TUBB8: variants seen among roughly 807,000 people sequenced by gnomAD.
TUBB8 encodes tubulin beta-8 chain.
A neutral mutation model predicts 33.7 loss-of-function variants in TUBB8; 25 were observed. The observed-to-expected ratio is 0.74, with a 90% CI of 0.54 to 1.04. TUBB8 has a LOEUF of 1.04. Ranked by LOEUF, TUBB8 falls within the 50% of genes least tolerant of loss-of-function variation. TUBB8 has a pLI of 0.00. For synonymous variants in TUBB8, 245 were observed against 240.1 expected, an observed-to-expected ratio of 1.02 and a Z score of -0.19; for missense variants, 279 against 608.0, an observed-to-expected ratio of 0.46 and a Z score of 5.69.
At chr10:73,566 C>A (rs1834765919) in intron 1 of TUBB8, among the ~76,000 whole-genome samples, 1 of 152,024 alleles carries the variant, frequency 6.6e-6, no homozygotes, top group Non-Finnish European at 1.5e-5. Context: ...TCGCTTGAAC[C>A]CAGGAGGCGG....
downstream of TUBB8, chr10:46,768 C>G (rs1469939364): frequency 2.4e-6 from 1 of 414,590 alleles, no homozygotes; most frequent in African/African-American, 2.0e-5. Context: ...CCTCCTGGAG[C>G]CACTGGAATG....
At chr10:53,118 TTTTTA>T (rs1834489240), upstream of TUBB8, among the ~76,000 whole-genome samples, 1 of 146,376 alleles carries the variant, frequency 6.8e-6, no homozygotes, top group African/African-American at 2.8e-5. Context: ...AAACATGAGA[TTTTTA>T]TTTTTATTTA....
chr10:69,672 C>T (rs1205986081), intron 1 of TUBB8, among the ~76,000 whole-genome samples: 6 of 152,106 alleles, frequency 3.9e-5, no homozygotes, highest in African/African-American at 7.2e-5. Flanking sequence ...TGCTTGTAAT[C>T]CCAGCACTTT....
Position 47,236 on chromosome 10 carries a change from T to C in TUBB8, c.1156A>G (p.Thr386Ala). Reference sequence around the variant, plus strand: ...AAGGCCTTGCGCCTGAACATTGCTGTAAACTGCTCTGAGACACGCTTGAAG... The same window carrying C: ...AAGGCCTTGCGCCTGAACATTGCTGCAAACTGCTCTGAGACACGCTTGAAG... The part of the protein sequence containing the change: ...ELFKRVSEQF[T>A]AMFRRKAFLH... The change falls in exon 4 of 4, where the codon ACA (threonine) becomes GCA (alanine). Residue 386 changes from threonine to alanine, a missense_variant. Coordinates refer to ENST00000568584, the MANE Select transcript of TUBB8 (RefSeq NM_177987.3). The C allele has an allele frequency of 6.2e-7, 1 of 1,603,240 alleles. No homozygotes were observed. Among genetic ancestry groups the C allele is most frequent in the Non-Finnish European group, 8.5e-7 (1 of 1,178,994 alleles).
At chr10:72,363 A>C (rs1254910278) in intron 1 of TUBB8, among the ~76,000 whole-genome samples, 1 of 152,018 alleles carries the variant, frequency 6.6e-6, no homozygotes, top group African/African-American at 2.4e-5. Context: ...GTTCGAGACC[A>C]GCCTGGCCAA....
chr10:58,936 C>G (rs1554740520), intron 1 of TUBB8, among the ~76,000 whole-genome samples: 1 of 152,174 alleles, frequency 6.6e-6, no homozygotes, highest in African/African-American at 2.4e-5. Flanking sequence ...TGTCTGATTG[C>G]TCCAGACAGG....
intron 1 of TUBB8, among the ~76,000 whole-genome samples, chr10:71,589 C>G (rs538175908): frequency 6.6e-6 from 1 of 151,614 alleles, no homozygotes; most frequent in South Asian, 2.1e-4. Flanking sequence ...CCATTGCACT[C>G]CAGCCTGAGA....
chr10:72,178 T>C (rs1359535651), intron 1 of TUBB8, among the ~76,000 whole-genome samples: 4 of 149,654 alleles, frequency 2.7e-5, no homozygotes, highest in Non-Finnish European at 5.9e-5. Flanking sequence ...TGAGCCAAGA[T>C]CGGGACATTG....
At chr10:55,890 T>C (rs1554740106) in intron 1 of TUBB8, among the ~76,000 whole-genome samples, 2 of 152,270 alleles carry the variant, frequency 1.3e-5, no homozygotes, top group African/African-American at 4.8e-5. Flanking sequence ...TTACTATAGC[T>C]TGATAGTATA....
intron 1 of TUBB8, among the ~76,000 whole-genome samples, chr10:67,670 C>T (rs1834688113): frequency 6.6e-6 from 1 of 152,232 alleles, no homozygotes; most frequent in Admixed American, 6.5e-5. Context: ...ATGGATCCAC[C>T]TGCCTTGGAC....
intron 1 of TUBB8, among the ~76,000 whole-genome samples, chr10:64,939 C>A (rs1834650005): frequency 7.0e-6 from 1 of 143,340 alleles, no homozygotes; most frequent in Admixed American, 7.3e-5. Context: ...AAGCTTGAGA[C>A]CAGCCTGGTC....
chr10:53,967 C>T (rs569743605), upstream of TUBB8, among the ~76,000 whole-genome samples: 2 of 152,112 alleles, frequency 1.3e-5, no homozygotes, highest in South Asian at 2.1e-4. Context: ...TACTTTGATA[C>T]AGGCATGCAA....
chr10:55,042 C>T (rs374824214), intron 1 of TUBB8, among the ~76,000 whole-genome samples: 22,219 of 125,700 alleles, frequency 0.18, no homozygotes, highest in African/African-American at 0.3. Context: ...AAGCATAAGC[C>T]ACTGCGCCTG....
chr10:65,413 G>C (rs1332394321), intron 1 of TUBB8, among the ~76,000 whole-genome samples: 1 of 152,220 alleles, frequency 6.6e-6, no homozygotes, highest in Non-Finnish European at 1.5e-5. Context: ...TCAATGTCTA[G>C]TATAATTATT....
At chr10:71,431 C>A (rs1214576128) in intron 1 of TUBB8, among the ~76,000 whole-genome samples, 2 of 149,400 alleles carry the variant, frequency 1.3e-5, no homozygotes, top group African/African-American at 5.0e-5. Context: ...GTCAGGAGTT[C>A]GAGACAAGCC....
upstream of TUBB8, chr10:49,320 G>T: frequency 7.0e-7 from 1 of 1,420,312 alleles, no homozygotes; most frequent in Non-Finnish European, 9.7e-7. Flanking sequence ...CTCCGCCAAC[G>T]TTTAAATAGC....
rs375210323 is a variant in TUBB8 at position 48,809 on chromosome 10, G to A, written c.161C>T (p.Ala54Val). 4 of 1,611,356 alleles carry A rather than the reference G, an allele frequency of 2.5e-6. No homozygotes were observed. The highest frequency in any genetic ancestry group is 2.2e-5 in the East Asian group (1 of 44,804). The part of the protein sequence containing the change: ...LERINVYYNE[A>V]SGGRYVPRAV... Reference sequence around the variant, plus strand: ...GGGAAGGACGGGGGTCTCACCGCTGGCCTCGTTGTAGTACACGTTGATGCG... The same window carrying A: ...GGGAAGGACGGGGGTCTCACCGCTGACCTCGTTGTAGTACACGTTGATGCG... Residue 54 changes from alanine to valine, a missense_variant, in exon 2 of 4, where the codon GCC becomes GTC. Physicochemically the swap from Ala to Val is moderately conservative, Grantham distance 64. Around this residue, in one of 4 missense-constraint regions of TUBB8, gnomAD observed 56 missense variants for 77.9 expected, o/e 0.72. Coordinates refer to ENST00000568584, the MANE Select transcript of TUBB8 (RefSeq NM_177987.3).
intron 1 of TUBB8, among the ~76,000 whole-genome samples, chr10:62,159 T>G (rs34970834): frequency 0.23 from 34,355 of 150,548 alleles, 3,486 homozygotes; most frequent in Middle Eastern, 0.33. Context: ...ACTTTTGTCC[T>G]CTCATCGTTC....
chr10:48,789 G>A lies in TUBB8; in HGVS notation c.166+15C>T. ...CGTTCCCAGGAGGGCGGTGGGGGAA[G>A]GACGGGGGTCTCACCGCTGGCCTCG... On this transcript the variant is annotated intron_variant, in intron 2 of 3. Transcript: ENST00000568584. 2 of 1,611,252 alleles carry A rather than the reference G, an allele frequency of 1.2e-6. No homozygotes were observed. The highest frequency in any genetic ancestry group is 1.1e-5 in the South Asian group (1 of 90,980).
Sources: gnomAD v4.1 joint callset for allele counts (sites outside exome capture counted in the v4.1 genomes callset) on GRCh38, gnomAD v4.1.1 for gene constraint, gnomAD v4.1.1 regional missense constraint, MANE v1.5 for transcripts, NCBI Gene and HGNC (gene_info 2026-07-23, HGNC 2026-07-21) for gene names.